The following CACNA2D3 variants were observed in gnomAD, a reference collection of about 807,000 sequenced individuals.
The protein encoded by CACNA2D3 is calcium voltage-gated channel auxiliary subunit alpha2delta 3.
Under a neutral mutation model 160.6 loss-of-function variants are expected in CACNA2D3, and 60 were observed. The ratio of observed to expected loss-of-function variants is 0.37; its 90% CI spans 0.30 to 0.46. The LOEUF is 0.46. Among genes scored for constraint, CACNA2D3 ranks in the 20% least tolerant of loss-of-function variants. The probability of loss-of-function intolerance (pLI) is 1.00; values close to 1 mark genes in which losing one functional copy is unlikely to be tolerated. For missense variants in CACNA2D3, 1,205 were observed against 1,365.0 expected (o/e 0.88, Z 1.85); for synonymous variants, 558 against 492.9 (o/e 1.13, Z -1.75).
intron 17 of CACNA2D3, 121 bp downstream of exon 17, chr3:54,846,588 A>T (rs1012144873): frequency 2.0e-5 from 12 of 614,160 alleles, no homozygotes; most frequent in African/African-American, 1.1e-4. Context: ...AATTCATAGC[A>T]TTGTAAAGAT....
chr3:54,976,447 C>T (rs1702393217), intron 29 of CACNA2D3, among the ~76,000 whole-genome samples: 1 of 151,926 alleles, frequency 6.6e-6, no homozygotes, highest in Non-Finnish European at 1.5e-5. Flanking sequence ...CTAACCTGCA[C>T]ATTGTGCACA....
chr3:54,249,764 GTTTT>G (rs11301633), intron 2 of CACNA2D3, among the ~76,000 whole-genome samples: 372 of 141,424 alleles, frequency 2.6e-3, no homozygotes, highest in Non-Finnish European at 4.1e-3. Context: ...CCAAAATTAT[GTTTT>G]TTTTTTTTTT....
chr3:54,913,355 A>G (rs562946164), intron 27 of CACNA2D3, among the ~76,000 whole-genome samples: 4 of 152,340 alleles, frequency 2.6e-5, no homozygotes, highest in African/African-American at 9.6e-5. Flanking sequence ...CTTGAGCAGT[A>G]TTCCTAATTT....
intron 31 of CACNA2D3, among the ~76,000 whole-genome samples, chr3:55,003,520 A>G (rs369515363): frequency 2.2e-4 from 33 of 152,196 alleles, no homozygotes; most frequent in African/African-American, 7.5e-4. Flanking sequence ...ACACAGGGGA[A>G]TCATAGTAGA....
At chr3:54,713,267 C>A (rs928123411) in intron 11 of CACNA2D3, among the ~76,000 whole-genome samples, 2 of 152,190 alleles carry the variant, frequency 1.3e-5, no homozygotes, top group African/African-American at 4.8e-5. Flanking sequence ...AGAGCCAACT[C>A]CTTCTTGCTT....
intron 11 of CACNA2D3, among the ~76,000 whole-genome samples, chr3:54,719,344 T>G (rs929004435): frequency 6.6e-6 from 1 of 152,016 alleles, no homozygotes; most frequent in African/African-American, 2.4e-5. Flanking sequence ...AGTGCTCTTC[T>G]GTTCCTAGTG....
chr3:54,261,904 G>A (rs1410801366), intron 2 of CACNA2D3, among the ~76,000 whole-genome samples: 5 of 152,104 alleles, frequency 3.3e-5, no homozygotes, highest in Admixed American at 3.3e-4. Context: ...TTCCCCCACT[G>A]GAATTGCACA....
intron 27 of CACNA2D3, among the ~76,000 whole-genome samples, chr3:54,901,787 A>T (rs1050200239): frequency 6.6e-6 from 1 of 152,196 alleles, no homozygotes; most frequent in Non-Finnish European, 1.5e-5. Flanking sequence ...CTTGGTTTTG[A>T]TGTTGAAGAC....
At chr3:54,526,633 C>T (rs924690027) in intron 5 of CACNA2D3, among the ~76,000 whole-genome samples, 1 of 152,118 alleles carries the variant, frequency 6.6e-6, no homozygotes, top group East Asian at 1.9e-4. Context: ...TCAACAAGAG[C>T]TTGGTCTTTT....
At chr3:55,024,168 C>G (rs750361356) in intron 35 of CACNA2D3, among the ~76,000 whole-genome samples, 2 of 145,872 alleles carry the variant, frequency 1.4e-5, no homozygotes, top group African/African-American at 2.6e-5. Flanking sequence ...TCTGACTTCA[C>G]TAATTATTCA....
chr3:54,937,279 T>G (rs1387157660), intron 27 of CACNA2D3, among the ~76,000 whole-genome samples: 1 of 152,174 alleles, frequency 6.6e-6, no homozygotes, highest in Non-Finnish European at 1.5e-5. Flanking sequence ...AAGACACAGC[T>G]CAATGAATGG....
At chr3:54,288,731 AGT>A (rs1327131305) in intron 2 of CACNA2D3, among the ~76,000 whole-genome samples, 2 of 152,170 alleles carry the variant, frequency 1.3e-5, no homozygotes, top group Non-Finnish European at 2.9e-5. Flanking sequence ...ACCATGATCA[AGT>A]GGGCTTCATC....
intron 35 of CACNA2D3, among the ~76,000 whole-genome samples, chr3:55,065,603 G>A (rs910056105): frequency 3.9e-5 from 6 of 151,958 alleles, no homozygotes; most frequent in African/African-American, 1.5e-4. Context: ...GGAATTCAAG[G>A]CTGCAGTGAG....
intron 9 of CACNA2D3, among the ~76,000 whole-genome samples, chr3:54,589,939 C>G (rs1429404855): frequency 6.6e-6 from 1 of 152,206 alleles, no homozygotes. Context: ...AACAGGATCA[C>G]TCACACATTG....
chr3:54,957,166 CTTT>C (rs57778359), intron 27 of CACNA2D3, among the ~76,000 whole-genome samples: 8 of 148,712 alleles, frequency 5.4e-5, no homozygotes, highest in African/African-American at 1.0e-4. Flanking sequence ...AAATAATTTT[CTTT>C]TTTTTTTTTT....
intron 2 of CACNA2D3, among the ~76,000 whole-genome samples, chr3:54,284,226 C>A (rs1456957858): frequency 2.0e-5 from 3 of 151,538 alleles, no homozygotes; most frequent in African/African-American, 7.3e-5. Context: ...ATGTAACAAA[C>A]CTGCAAATTG....
chr3:54,364,239 G>A (rs72988021), intron 3 of CACNA2D3, among the ~76,000 whole-genome samples: 2,033 of 152,230 alleles, frequency 0.013, 43 homozygotes, highest in African/African-American at 0.046. Context: ...TGACACTTTC[G>A]TAGCTCAAAC....
intron 2 of CACNA2D3, among the ~76,000 whole-genome samples, chr3:54,183,212 T>A (rs796973761): frequency 2.5e-3 from 144 of 57,560 alleles, no homozygotes; most frequent in Non-Finnish European, 3.5e-3. Context: ...ATAAAGAAAA[T>A]TTTTTTTTTT....
intron 17 of CACNA2D3, among the ~76,000 whole-genome samples, chr3:54,868,678 C>T (rs561064312): frequency 6.6e-6 from 1 of 151,984 alleles, no homozygotes; most frequent in Non-Finnish European, 1.5e-5. Context: ...AAGCTCCACA[C>T]CAAGCAGAGA....
Sources: allele counts gnomAD v4.1 joint callset (sites outside exome capture counted in the v4.1 genomes callset), GRCh38; gene constraint gnomAD v4.1.1; transcripts MANE v1.5; gene names NCBI Gene and HGNC (gene_info 2026-07-23, HGNC 2026-07-21).